Variants in SLIT3 observed in about 807,000 individuals in gnomAD.
SLIT3 encodes the protein slit homolog 3 protein.
Under a neutral mutation model 184.0 loss-of-function variants are expected in SLIT3, and 68 were observed. The ratio of observed to expected loss-of-function variants is 0.37; its 90% CI spans 0.30 to 0.45. The LOEUF is 0.45. Ranked by LOEUF, SLIT3 falls within the 20% of genes least tolerant of loss-of-function variation. The probability of loss-of-function intolerance (pLI) is 1.00; values close to 1 mark genes in which losing one functional copy is unlikely to be tolerated. For missense variants in SLIT3, 1,707 were observed against 2,026.0 expected, an observed-to-expected ratio of 0.84 and a Z score of 3.02; for synonymous variants, 831 against 828.6, an observed-to-expected ratio of 1.00 and a Z score of -0.05.
intron 8 of SLIT3, 46 bp from the exon 9 acceptor site, chr5:168,806,633 C>A: frequency 6.2e-7 from 1 of 1,608,518 alleles, no homozygotes; most frequent in East Asian, 2.2e-5. Context: ...GTGTCAGGAG[C>A]TGCCTGGGCT....
At chr5:169,299,503 C>A (rs1317752806) in intron 1 of SLIT3, among the ~76,000 whole-genome samples, 1 of 152,126 alleles carries the variant, frequency 6.6e-6, no homozygotes, top group East Asian at 1.9e-4. Context: ...ATCTACCACA[C>A]TAGAGCAAAC....
intron 1 of SLIT3, among the ~76,000 whole-genome samples, chr5:169,271,847 A>G (rs1441547701): frequency 2.0e-5 from 3 of 152,216 alleles, no homozygotes; most frequent in Admixed American, 2.0e-4. Flanking sequence ...GCCTTGCCGT[A>G]GACCCTATCA....
chr5:168,899,473 C>T (rs1342855868), intron 4 of SLIT3, among the ~76,000 whole-genome samples: 1 of 152,102 alleles, frequency 6.6e-6, no homozygotes, highest in African/African-American at 2.4e-5. Flanking sequence ...GTGATCATGC[C>T]ACTGCACTCC....
chr5:168,676,027 A>G (rs1357833204), intron 32 of SLIT3, among the ~76,000 whole-genome samples: 1 of 151,360 alleles, frequency 6.6e-6, no homozygotes, highest in Non-Finnish European at 1.5e-5. Context: ...CCACCCACCC[A>G]CCTACTTATT....
intron 18 of SLIT3, among the ~76,000 whole-genome samples, chr5:168,752,238 C>T (rs577936049): frequency 1.1e-4 from 16 of 152,262 alleles, no homozygotes; most frequent in Admixed American, 1.0e-3. Context: ...GACAGATGTT[C>T]AGTCCCACAT....
intron 4 of SLIT3, among the ~76,000 whole-genome samples, chr5:168,952,572 A>T (rs1374140788): frequency 3.5e-4 from 13 of 37,016 alleles, no homozygotes; most frequent in African/African-American, 1.1e-3. Flanking sequence ...AAAGGGATTT[A>T]AAAAAAAAAA....
intron 4 of SLIT3, among the ~76,000 whole-genome samples, chr5:169,166,922 C>A (rs563849890): frequency 8.7e-4 from 133 of 152,234 alleles, no homozygotes; most frequent in African/African-American, 3.1e-3. Context: ...TCCCACAGTG[C>A]TCGGGGAGGC....
intron 2 of SLIT3, among the ~76,000 whole-genome samples, chr5:169,248,774 A>C (rs1054432549): frequency 1.3e-5 from 2 of 152,160 alleles, no homozygotes; most frequent in Non-Finnish European, 2.9e-5. Context: ...TTAGACTGCC[A>C]AGAAATGGGA....
intron 6 of SLIT3, among the ~76,000 whole-genome samples, chr5:168,832,082 T>G (rs1162974886): frequency 6.6e-6 from 1 of 152,222 alleles, no homozygotes; most frequent in East Asian, 1.9e-4. Flanking sequence ...CTCAACTGCC[T>G]TCCAATGATG....
chr5:168,758,301 TC>T (rs1325927896), intron 16 of SLIT3, among the ~76,000 whole-genome samples: 3 of 152,220 alleles, frequency 2.0e-5, no homozygotes, highest in African/African-American at 2.4e-5. Flanking sequence ...GATGAAAGAT[TC>T]CAAGTGCTTG....
chr5:169,014,088 T>TGGGAAGGAAGGC (rs909941677), intron 4 of SLIT3, among the ~76,000 whole-genome samples: 1 of 117,238 alleles, frequency 8.5e-6, no homozygotes, highest in Non-Finnish European at 1.7e-5. Context: ...GAATGTTTTG[T>TGGGAAGGAAGGC]GGGAAGGAAG....
At chr5:168,693,495 T>C (rs776713942) in intron 28 of SLIT3, among the ~76,000 whole-genome samples, 1 of 152,178 alleles carries the variant, frequency 6.6e-6, no homozygotes, top group Non-Finnish European at 1.5e-5. Flanking sequence ...AAAATGTGTT[T>C]TAGGAATGTG....
At chr5:169,059,336 A>T (rs1002331733) in intron 4 of SLIT3, among the ~76,000 whole-genome samples, 2 of 152,224 alleles carry the variant, frequency 1.3e-5, no homozygotes, top group Admixed American at 1.3e-4. Context: ...AATGAGGATA[A>T]CAACAAAAGC....
At chr5:169,016,205 G>A (rs1022316660) in intron 4 of SLIT3, among the ~76,000 whole-genome samples, 1 of 152,172 alleles carries the variant, frequency 6.6e-6, no homozygotes, top group Non-Finnish European at 1.5e-5. Context: ...CCTGTTGAGT[G>A]CTGAGTAAGA....
chr5:168,794,138 C>G (rs111229186), intron 10 of SLIT3, among the ~76,000 whole-genome samples: 1 of 152,124 alleles, frequency 6.6e-6, no homozygotes, highest in African/African-American at 2.4e-5. Flanking sequence ...TTACTGTGGG[C>G]CCTCCCACTC....
At chr5:168,699,982 C>T (rs892105509) in intron 27 of SLIT3, among the ~76,000 whole-genome samples, 1 of 152,178 alleles carries the variant, frequency 6.6e-6, no homozygotes, top group African/African-American at 2.4e-5. Context: ...GTTTCAAATC[C>T]CTGTGCCAAT....
At chr5:169,283,708 T>A (rs1482204442) in intron 1 of SLIT3, among the ~76,000 whole-genome samples, 1 of 152,082 alleles carries the variant, frequency 6.6e-6, no homozygotes, top group East Asian at 1.9e-4. Context: ...TCAGCAAAAA[T>A]CCAAAGGTTC....
In SLIT3 at chr5:168,962,513, C is replaced by T. The variant is rs114047780; in HGVS notation, c.414-79177G>A. ...CATTCCGAGCAAGCTTTCTATATTC[C>T]GTGTGCTGATGAAAGGTCTTTGCTT... On this transcript the variant is annotated intron_variant, in intron 4 of 35. Coordinates refer to ENST00000519560, the MANE Select transcript of SLIT3 (RefSeq NM_003062.4). Among the ~76,000 whole-genome samples, 1,507 of 151,758 alleles carry T rather than the reference C, an allele frequency of 9.9e-3. 22 individuals carry two copies. Among genetic ancestry groups the T allele is most frequent in the African/African-American group, 0.035 (1,436 of 41,340 alleles).
At position 169,009,022 on chromosome 5, in the gene SLIT3, G is replaced by T. The variant is rs1343245385; in HGVS notation, c.414-125686C>A. Among the ~76,000 whole-genome samples the T allele has an allele frequency of 6.6e-5, 10 of 152,242 alleles. No homozygotes were observed. The East Asian group carries it at 1.7e-3, about 26-fold the overall frequency. ...GAGGTCACACAGCTGGTCGGGCTGGGATTTGAACCAAGGCAGCTTGACCTC... is the reference window on the plus strand; with the variant it reads ...GAGGTCACACAGCTGGTCGGGCTGGTATTTGAACCAAGGCAGCTTGACCTC... On this transcript the variant is annotated intron_variant, in intron 4 of 35. Transcript: ENST00000519560.
Sources: gnomAD v4.1 joint callset for allele counts (sites outside exome capture counted in the v4.1 genomes callset) on GRCh38, gnomAD v4.1.1 for gene constraint, MANE v1.5 for transcripts, NCBI Gene and HGNC (gene_info 2026-07-23, HGNC 2026-07-21) for gene names.